The following PARD3 variants were observed in gnomAD, a reference collection of about 807,000 sequenced individuals.
PARD3 encodes the protein partitioning defective 3 homolog.
In PARD3, 75 loss-of-function variants were observed where a neutral mutation model predicts 155.4. That is an observed-to-expected ratio of 0.48 (90% CI 0.40 to 0.58). The LOEUF (loss-of-function observed/expected upper bound fraction) is 0.58. Among genes scored for constraint, PARD3 ranks in the 20% least tolerant of loss-of-function variants. The pLI is 0.00. For synonymous variants in PARD3, 576 were observed against 610.5 expected, an observed-to-expected ratio of 0.94 and a Z score of 0.83; for missense variants, 1,642 against 1,721.7, an observed-to-expected ratio of 0.95 and a Z score of 0.82.
chr10:34,672,005 T>A (rs1590556309), intron 2 of PARD3, among the ~76,000 whole-genome samples: 1 of 151,836 alleles, frequency 6.6e-6, no homozygotes, highest in East Asian at 1.9e-4. Flanking sequence ...GGAGACCCCA[T>A]CTGTACAAAA....
intron 22 of PARD3, among the ~76,000 whole-genome samples, chr10:34,175,068 C>T (rs186935881): frequency 6.6e-6 from 1 of 152,102 alleles, no homozygotes; most frequent in Admixed American, 6.6e-5. Flanking sequence ...TTACTAACAT[C>T]ATTATTAATT....
At chr10:34,126,818 GAA>G (rs550942430) in intron 23 of PARD3, among the ~76,000 whole-genome samples, 24 of 73,294 alleles carry the variant, frequency 3.3e-4, no homozygotes, top group African/African-American at 6.6e-4. Flanking sequence ...TCTTGAAAAT[GAA>G]AAAAAAAAAA....
intron 12 of PARD3, among the ~76,000 whole-genome samples, chr10:34,368,885 C>T (rs1840273656): frequency 6.8e-6 from 1 of 147,894 alleles, no homozygotes; most frequent in South Asian, 2.2e-4. Flanking sequence ...TTCCCACTAT[C>T]TTGACTAATG....
chr10:34,200,315 A>G (rs1410670700), intron 22 of PARD3, among the ~76,000 whole-genome samples: 1 of 152,134 alleles, frequency 6.6e-6, no homozygotes, highest in Non-Finnish European at 1.5e-5. Flanking sequence ...AACACCTCTT[A>G]AGCAATAACA....
intron 22 of PARD3, among the ~76,000 whole-genome samples, chr10:34,151,567 C>A (rs1025520627): frequency 6.6e-6 from 1 of 152,126 alleles, no homozygotes; most frequent in Non-Finnish European, 1.5e-5. Context: ...GGGAAAAGGT[C>A]GTGAGACCAC....
chr10:34,544,418 T>C (rs2083881782), intron 2 of PARD3, among the ~76,000 whole-genome samples: 1 of 152,218 alleles, frequency 6.6e-6, no homozygotes, highest in Non-Finnish European at 1.5e-5. Flanking sequence ...TTGGGGCATA[T>C]GGCACTATAT....
intron 1 of PARD3, among the ~76,000 whole-genome samples, chr10:34,783,476 C>T (rs951222481): frequency 3.0e-4 from 45 of 151,498 alleles, no homozygotes; most frequent in Admixed American, 5.9e-4. Flanking sequence ...TGGTGGCGGG[C>T]GCCTGTAATC....
intron 22 of PARD3, among the ~76,000 whole-genome samples, chr10:34,242,584 T>G (rs1394893883): frequency 1.3e-5 from 2 of 152,200 alleles, no homozygotes; most frequent in African/African-American, 4.8e-5. Flanking sequence ...TAAAGTTTAA[T>G]GAAAACCAAT....
At chr10:34,731,293 A>C (rs2133814851) in intron 1 of PARD3, among the ~76,000 whole-genome samples, 1 of 152,352 alleles carries the variant, frequency 6.6e-6, no homozygotes, top group East Asian at 1.9e-4. Context: ...TGAGACCCTC[A>C]GTTGCCTACA....
At chr10:34,732,751 G>C (rs1428826189) in intron 1 of PARD3, among the ~76,000 whole-genome samples, 2 of 152,152 alleles carry the variant, frequency 1.3e-5, no homozygotes, top group Non-Finnish European at 2.9e-5. Flanking sequence ...AGGTAAATGA[G>C]TTAAAATTCA....
At chr10:34,617,651 AT>A (rs2091349504) in intron 2 of PARD3, among the ~76,000 whole-genome samples, 1 of 152,222 alleles carries the variant, frequency 6.6e-6, no homozygotes, top group African/African-American at 2.4e-5. Context: ...TTGTCTATAG[AT>A]AACACAGTAT....
intron 2 of PARD3, among the ~76,000 whole-genome samples, chr10:34,524,545 G>A (rs1210655651): frequency 6.6e-6 from 1 of 152,136 alleles, no homozygotes; most frequent in South Asian, 2.1e-4. Flanking sequence ...TAATAGCCTT[G>A]AGTATGTCAA....
chr10:34,734,317 G>C (rs1434165395), intron 1 of PARD3, among the ~76,000 whole-genome samples: 1 of 142,072 alleles, frequency 7.0e-6, no homozygotes, highest in African/African-American at 2.6e-5. Flanking sequence ...CAAATATATG[G>C]GGCCCTTTTT....
At chr10:34,586,465 G>A (rs1177607116) in intron 2 of PARD3, among the ~76,000 whole-genome samples, 1 of 152,140 alleles carries the variant, frequency 6.6e-6, no homozygotes, top group Admixed American at 6.6e-5. Context: ...AAAGATGTAT[G>A]ACTGAGCACA....
At chr10:34,590,065 A>G (rs2088523302) in intron 2 of PARD3, among the ~76,000 whole-genome samples, 1 of 152,078 alleles carries the variant, frequency 6.6e-6, no homozygotes, top group Non-Finnish European at 1.5e-5. Context: ...TGCCAGTCTC[A>G]CTCTGGGTCT....
intron 2 of PARD3, among the ~76,000 whole-genome samples, chr10:34,680,221 C>T (rs1274990265): frequency 6.6e-6 from 1 of 152,050 alleles, no homozygotes; most frequent in African/African-American, 2.4e-5. Flanking sequence ...CCACAAAACC[C>T]AATGCTTTAG....
chr10:34,375,144 A>G, intron 10 of PARD3, 142 bp from the exon 11 acceptor site: 1 of 648,200 alleles, frequency 1.5e-6, no homozygotes, highest in Non-Finnish European at 2.6e-6. Flanking sequence ...TTCATGCACA[A>G]TTCTGCCATG....
At chr10:34,409,627 G>A (rs996922562) in intron 5 of PARD3, among the ~76,000 whole-genome samples, 16 of 152,170 alleles carry the variant, frequency 1.1e-4, no homozygotes, top group East Asian at 1.9e-4. Flanking sequence ...CACGAAGGGC[G>A]TCTGCACTGC....
In PARD3 at chr10:34,440,973, A is replaced by T. The variant is rs560707406; in HGVS notation, c.714+9344T>A. Among the ~76,000 whole-genome samples, 4 of 152,334 alleles carry T rather than the reference A, an allele frequency of 2.6e-5. No homozygotes were observed. The East Asian group carries it at 7.7e-4, about 29-fold the overall frequency. The stretch of plus-strand genomic sequence containing the variant: ...ATAAGGAATGGAAGCAGACATAGAG[A>T]TTAACACTGATGTCATTTTTGTGTC... On this transcript the variant is annotated intron_variant, in intron 5 of 24. Coordinates refer to ENST00000374788, the MANE Select transcript of PARD3 (RefSeq NM_001184785.2).
Sources: gnomAD v4.1 joint callset for allele counts (sites outside exome capture counted in the v4.1 genomes callset) on GRCh38, gnomAD v4.1.1 for gene constraint, MANE v1.5 for transcripts, NCBI Gene and HGNC (gene_info 2026-07-23, HGNC 2026-07-21) for gene names.